The following RMI2 variants were observed in gnomAD, a reference collection of about 807,000 sequenced individuals.
The protein encoded by RMI2 is recQ-mediated genome instability protein 2.
A neutral mutation model predicts 8.4 loss-of-function variants in RMI2; 11 were observed. The ratio of observed to expected loss-of-function variants is 1.32; its 90% CI spans 0.83 to 2.18. The LOEUF (loss-of-function observed/expected upper bound fraction) is 2.18. Among genes scored for constraint, RMI2 ranks in the 30% most tolerant of loss-of-function variants. The pLI, the probability that RMI2 is intolerant of heterozygous loss-of-function variation, is 0.00. For missense variants in RMI2, 253 were observed against 207.5 expected, an observed-to-expected ratio of 1.22 and a Z score of -1.35; for synonymous variants, 105 against 93.8, an observed-to-expected ratio of 1.12 and a Z score of -0.69.
At chr16:11,347,606 A>G (rs2141212780) in intron 1 of RMI2, among the ~76,000 whole-genome samples, 1 of 152,222 alleles carries the variant, frequency 6.6e-6, no homozygotes, top group African/African-American at 2.4e-5. Context: ...GCAAAATATC[A>G]GGACTCGTTT....
intron 1 of RMI2, among the ~76,000 whole-genome samples, chr16:11,347,107 G>A (rs1341410104): frequency 6.6e-6 from 1 of 152,268 alleles, no homozygotes; most frequent in Non-Finnish European, 1.5e-5. Flanking sequence ...CTCATGTGCA[G>A]TGTTGGGCTG....
At chr16:11,347,638 G>T (rs996871924) in intron 1 of RMI2, among the ~76,000 whole-genome samples, 1 of 152,050 alleles carries the variant, frequency 6.6e-6, no homozygotes, top group Non-Finnish European at 1.5e-5. Context: ...CTCCTGTTCC[G>T]TCTTCCCACT....
At chr16:11,347,275 C>T (rs2070888694) in intron 1 of RMI2, among the ~76,000 whole-genome samples, 1 of 152,150 alleles carries the variant, frequency 6.6e-6, no homozygotes, top group Non-Finnish European at 1.5e-5. Context: ...CTCTGAGGCT[C>T]CATGGGCCTT....
In RMI2 at chr16:11,346,256, T is replaced by C. The variant is rs985761213; in HGVS notation, c.295+490T>C. 1.0e-4 allele frequency among the ~76,000 whole-genome samples: 5 copies of C among 48,284 alleles called. No homozygotes were observed. The East Asian group carries it at 1.5e-3, about 15-fold the overall frequency. 31.7% of individuals were successfully genotyped at this position (48,284 alleles called of 152,430 possible). A position where few individuals can be genotyped will look rare whatever the true frequency, so the allele number is the denominator to read the frequency against. ...AGCTCACTCATGTTTGCCTCCTCTC[T>C]TTTTTTTTTTTTTTTTTTTTTGAGA... On this transcript the variant is annotated intron_variant, in intron 1 of 1. Transcript: ENST00000312499.
chr16:11,345,584 CG>C lies in RMI2; in HGVS notation c.116del (p.Gly39AlafsTer26). 8.2e-7 allele frequency: 1 copy of C among 1,223,148 alleles called. No homozygotes were observed. The highest frequency in any genetic ancestry group is 4.1e-5 in the South Asian group (1 of 24,342). The allele number at this position is 1,223,148 out of a possible 1,614,324, so 75.8% of individuals were successfully genotyped here. A position where few individuals can be genotyped will look rare whatever the true frequency, so the allele number is the denominator to read the frequency against. ...CTGCGGCGCGACGCGGAGGGCGGCCCGGGCGCGTGGCGGCTGTCACGGGCGG... is the reference window on the plus strand; with the variant it reads ...CTGCGGCGCGACGCGGAGGGCGGCCCGGCGCGTGGCGGCTGTCACGGGCGG... Reference protein sequence around the residue: ...EQLRRDAEGGPGAWRLSRAAA... With the variant: ...EQLRRDAEGGXGAWRLSRAAA... On this transcript the variant is annotated frameshift_variant, in exon 1 of 2. Transcript: ENST00000312499. LOFTEE classifies it high-confidence loss of function.
chr16:11,345,480 G>A lies in RMI2; in HGVS notation c.9G>A (p.Ala3=), dbSNP rs751209638. The change falls in exon 1 of 2, where the codon GCG becomes GCA. Residue 3 remains alanine, a synonymous_variant. Transcript: ENST00000312499. MA[A]AADSFSGGPA... is the part of the protein sequence containing the mutation. ...GGGTGCGGCGAGGCGGAATGGCGGCGGCTGCGGACTCGTTCTCAGGCGGCC... is the reference window on the plus strand; with the variant it reads ...GGGTGCGGCGAGGCGGAATGGCGGCAGCTGCGGACTCGTTCTCAGGCGGCC... 1.1e-5 allele frequency: 15 copies of A among 1,311,192 alleles called. No homozygotes were observed. The South Asian group carries it at 3.3e-4, about 29-fold the overall frequency. The allele number at this position is 1,311,192 out of a possible 1,614,324, so 81.2% of individuals were successfully genotyped here.
At position 11,349,404 on chromosome 16, in the gene RMI2, C is replaced by G. The variant is rs1036911592; in HGVS notation, c.296-1238C>G. 1.3e-5 allele frequency: 2 copies of G among 152,328 alleles called. No individual in the cohort carries two copies. Among genetic ancestry groups the G allele is most frequent in the African/African-American group, 4.8e-5 (2 of 41,396 alleles). 9.4% of individuals were successfully genotyped at this position (152,328 alleles called of 1,614,324 possible). A position where few individuals can be genotyped will look rare whatever the true frequency, so the allele number is the denominator to read the frequency against. ...GGTAGAACCTACAAGGTCAATTTGT[C>G]CCATCGCGTGCCTTCGAGTTCATCC... On this transcript the variant is annotated intron_variant, in intron 1 of 1. Coordinates refer to ENST00000312499, the MANE Select transcript of RMI2 (RefSeq NM_152308.3). This position sits in a 1 kb window ranked among gnomAD's most constrained non-coding sequence, Gnocchi z 4.2.
intron 1 of RMI2, 73 bp downstream of exon 1, chr16:11,345,839 T>G (rs2141210102): frequency 8.7e-7 from 1 of 1,151,864 alleles, no homozygotes; most frequent in South Asian, 4.4e-5. Context: ...AGATTCGATC[T>G]TGTTGTTGAC....
chr16:11,350,786 C>T lies in RMI2; in HGVS notation c.440C>T (p.Pro147Leu). The stretch of plus-strand genomic sequence containing the variant: ...GTAGAAGATTTACACAGGAATATTC[C>T]TTAGAGTATGTTGGAACTGTCGTTA... The part of the protein sequence containing the change: ...LEVEDLHRNI[P>L] Residue 147 changes from proline (P) to leucine (L), a missense_variant, in exon 2 of 2, where the codon CCT (proline) becomes CTT (leucine). Transcript: ENST00000312499. The T allele has an allele frequency of 6.2e-7, 1 of 1,604,242 alleles. No homozygotes were observed. The highest frequency in any genetic ancestry group is 8.5e-7 in the Non-Finnish European group (1 of 1,176,772).
chr16:11,345,742 C>T lies in RMI2; in HGVS notation c.271C>T (p.Arg91Cys). ...FSVRGLERVP[R>C]GRPCLVPGKY... The stretch of plus-strand genomic sequence containing the variant: ...GGTCCGCGGCCTGGAGCGGGTGCCG[C>T]GCGGGCGGCCCTGTCTAGTCCCAGG... Residue 91 changes from arginine (R) to cysteine (C), a missense_variant, in exon 1 of 2, where the codon CGC becomes TGC. Arg to Cys is a radical substitution (Grantham distance 180). Transcript: ENST00000312499. The T allele has an allele frequency of 1.6e-6, 2 of 1,242,628 alleles. No homozygotes were observed. Among genetic ancestry groups the T allele is most frequent in the South Asian group, 3.9e-5 (1 of 25,370 alleles). The allele number at this position is 1,242,628 out of a possible 1,614,324, so 77.0% of individuals were successfully genotyped here.
intron 1 of RMI2, among the ~76,000 whole-genome samples, chr16:11,347,771 A>G (rs969019989): frequency 2.0e-5 from 3 of 152,108 alleles, no homozygotes; most frequent in African/African-American, 7.2e-5. Context: ...TGCTTTTAAA[A>G]TTTTTATGTA....
In RMI2 at chr16:11,345,534, G is replaced by T; in HGVS notation, c.63G>T (p.Pro21=). Reference sequence around the variant, plus strand: ...CGGGGGTGCGGCTTCCGAGGTCGCCGCCACTCAAGGTGCTGGCGGAGCAGC... The same window carrying T: ...CGGGGGTGCGGCTTCCGAGGTCGCCTCCACTCAAGGTGCTGGCGGAGCAGC... ...GPAGVRLPRS[P]PLKVLAEQLR... The change falls in exon 1 of 2, where the codon CCG becomes CCT. Residue 21 remains proline, a synonymous_variant. Coordinates refer to ENST00000312499, the MANE Select transcript of RMI2 (RefSeq NM_152308.3). 1 of 1,285,108 alleles carries T rather than the reference G, an allele frequency of 7.8e-7. No individual in the cohort carries two copies. The highest frequency in any genetic ancestry group is 9.9e-7 in the Non-Finnish European group (1 of 1,013,282). The allele number at this position is 1,285,108 out of a possible 1,614,324, so 79.6% of individuals were successfully genotyped here.
rs2070878509 is a variant in RMI2 at position 11,346,776 on chromosome 16, T to C, written c.295+1010T>C. ...CTTTCGACTTTTTAAATGTTTTATT[T>C]ATTTGAGATAGGGGACTCACCGTGT... On this transcript the variant is annotated intron_variant, in intron 1 of 1. Coordinates refer to ENST00000312499, the MANE Select transcript of RMI2 (RefSeq NM_152308.3). Among the ~76,000 whole-genome samples the C allele has an allele frequency of 3.9e-5, 6 of 152,186 alleles. No homozygotes were observed. The South Asian group carries it at 1.2e-3, about 32-fold the overall frequency.
At position 11,350,860 on chromosome 16, in the gene RMI2, T is replaced by C; in HGVS notation, c.*70T>C. The C allele has an allele frequency of 3.8e-6, 5 of 1,326,094 alleles. 1 individual carries two copies. The highest frequency in any genetic ancestry group is 5.2e-6 in the Non-Finnish European group (5 of 967,088). 82.1% of individuals were successfully genotyped at this position (1,326,094 alleles called of 1,614,324 possible). A position where few individuals can be genotyped will look rare whatever the true frequency, so the allele number is the denominator to read the frequency against. On this transcript the variant is annotated 3_prime_UTR_variant, in exon 2 of 2. Coordinates refer to ENST00000312499, the MANE Select transcript of RMI2 (RefSeq NM_152308.3). ...ATTTAGAAGCTTATAATGATGTGGATTTCATGGACACTTTTCAATGCGTAT... is the reference window on the plus strand; with the variant it reads ...ATTTAGAAGCTTATAATGATGTGGACTTCATGGACACTTTTCAATGCGTAT...
chr16:11,350,807 CGTT>C lies in RMI2; in HGVS notation c.*18_*20del, dbSNP rs748424964. 1 of 1,581,318 alleles carries C rather than the reference CGTT, an allele frequency of 6.3e-7. No individual in the cohort carries two copies. Among genetic ancestry groups the C allele is most frequent in the Admixed American group, 1.9e-5 (1 of 52,176 alleles). ...ATTCCTTAGAGTATGTTGGAACTGTCGTTAAAAACAACCAAAATCCCGAAACTA... is the reference window on the plus strand; with the variant it reads ...ATTCCTTAGAGTATGTTGGAACTGTCAAAAACAACCAAAATCCCGAAACTA... On this transcript the variant is annotated 3_prime_UTR_variant, in exon 2 of 2. Coordinates refer to ENST00000312499, the MANE Select transcript of RMI2 (RefSeq NM_152308.3).
chr16:11,349,490 T>C lies in RMI2; in HGVS notation c.296-1152T>C, dbSNP rs1343255566. 1.3e-5 allele frequency among the ~76,000 whole-genome samples: 2 copies of C among 152,082 alleles called. No individual in the cohort carries two copies. Among genetic ancestry groups the C allele is most frequent in the Admixed American group, 6.5e-5 (1 of 15,272 alleles). On this transcript the variant is annotated intron_variant, in intron 1 of 1. Coordinates refer to ENST00000312499, the MANE Select transcript of RMI2 (RefSeq NM_152308.3). This position sits in a 1 kb window ranked among gnomAD's most constrained non-coding sequence, Gnocchi z 4.2. ...TTCCCCTCTCCCGGTTGGAATGCCC[T>C]TGGGCTTGTTTTTCTCTTCGTGGGC...
At chr16:11,347,920 A>G (rs1396717137) in intron 1 of RMI2, among the ~76,000 whole-genome samples, 1 of 152,114 alleles carries the variant, frequency 6.6e-6, no homozygotes, top group Admixed American at 6.5e-5. Context: ...AGCTGGGATT[A>G]CAGGTGTGCA....
At chr16:11,346,146 G>A (rs1198615961) in intron 1 of RMI2, among the ~76,000 whole-genome samples, 2 of 152,008 alleles carry the variant, frequency 1.3e-5, no homozygotes, top group South Asian at 4.1e-4. Flanking sequence ...CAGCTCAAAT[G>A]TGCCTTTCTC....
intron 1 of RMI2, chr16:11,348,515 T>C (rs2070915059): frequency 6.6e-6 from 1 of 152,274 alleles, no homozygotes; most frequent in African/African-American, 2.4e-5. Context: ...CCATGTCATT[T>C]CTTCTTGTTA....
Sources: allele counts gnomAD v4.1 joint callset (sites outside exome capture counted in the v4.1 genomes callset), GRCh38; gene constraint gnomAD v4.1.1; non-coding constraint Gnocchi (gnomAD v3.1); transcripts MANE v1.5; gene names NCBI Gene and HGNC (gene_info 2026-07-23, HGNC 2026-07-21).